The following CD200R1L variants were observed in gnomAD, a reference collection of about 807,000 sequenced individuals.
The protein encoded by CD200R1L is cell surface glycoprotein CD200 receptor 2.
In CD200R1L, 14 loss-of-function variants were observed where a neutral mutation model predicts 24.8. That is an observed-to-expected ratio of 0.56 (90% CI 0.37 to 0.88). The LOEUF (loss-of-function observed/expected upper bound fraction) is 0.88. Ranked by LOEUF, CD200R1L falls within the 40% of genes least tolerant of loss-of-function variation. The probability of loss-of-function intolerance (pLI) is 0.00; values close to 1 mark genes in which losing one functional copy is unlikely to be tolerated. For synonymous variants in CD200R1L, 111 were observed against 109.2 expected, an observed-to-expected ratio of 1.02 and a Z score of -0.11; for missense variants, 299 against 297.8, an observed-to-expected ratio of 1.00 and a Z score of -0.03.
intron 6 of CD200R1L, among the ~76,000 whole-genome samples, chr3:112,822,995 A>T (rs1040210734): frequency 6.6e-6 from 1 of 152,234 alleles, no homozygotes; most frequent in Non-Finnish European, 1.5e-5. Flanking sequence ...GCCTAACATG[A>T]AATGTTAACT....
Position 112,827,625 on chromosome 3 carries a change from C to G in CD200R1L, c.109G>C (p.Ala37Pro). 6.2e-7 allele frequency: 1 copy of G among 1,613,808 alleles called. No homozygotes were observed. Residue 37 changes from alanine (A) to proline (P), a missense_variant, in exon 5 of 8, where the codon GCA (alanine) becomes CCA (proline). Coordinates refer to ENST00000488794, the MANE Select transcript of CD200R1L (RefSeq NM_001199215.3). ...INAVLCCPPIALRNLIIITWE... is the reference protein window; with the variant it reads ...INAVLCCPPIPLRNLIIITWE... ...GTTATTATGATCAAATTTCTTAATGCGATAGGAGGGCAACAAAGCACAGCA... is the reference window on the plus strand; with the variant it reads ...GTTATTATGATCAAATTTCTTAATGGGATAGGAGGGCAACAAAGCACAGCA...
At position 112,827,163 on chromosome 3, in the gene CD200R1L, T is replaced by G. The variant is rs1305846333; in HGVS notation, c.446A>C (p.Gln149Pro). 6.2e-7 allele frequency: 1 copy of G among 1,613,680 alleles called. No individual in the cohort carries two copies. Residue 149 changes from glutamine to proline, a missense_variant, in exon 6 of 8, where the codon CAG (glutamine) becomes CCG (proline). Gln to Pro is a moderately conservative substitution (Grantham distance 76). Transcript: ENST00000488794. ...AGATCCCTCTGGGATCCAGGAGATC[T>G]GGGCAGCTGGCTTCCCTGTAACTGC... ...CKAVTGKPAA[Q>P]ISWIPEGSIL...
rs113043498 is a variant in CD200R1L at position 112,821,012 on chromosome 3, G to T, written c.617-1117C>A. On this transcript the variant is annotated intron_variant, in intron 6 of 7. Transcript: ENST00000488794. ...GCAGAGGTTGCAGTGAGCTGAGATT[G>T]CACCACTGCACTCCAGCCTGGGTGA... Among the ~76,000 whole-genome samples the T allele has an allele frequency of 5.7e-4, 86 of 150,112 alleles. 1 individual carries two copies. Among genetic ancestry groups the T allele is most frequent in the African/African-American group, 2.0e-3 (82 of 40,918 alleles).
chr3:112,821,322 G>A (rs1938530105), intron 6 of CD200R1L, among the ~76,000 whole-genome samples: 1 of 152,160 alleles, frequency 6.6e-6, no homozygotes, highest in Non-Finnish European at 1.5e-5. Context: ...CAACTTATAT[G>A]AAAGAAAAAT....
At chr3:112,820,602 T>C (rs903333192) in intron 6 of CD200R1L, among the ~76,000 whole-genome samples, 8 of 151,836 alleles carry the variant, frequency 5.3e-5, no homozygotes, top group African/African-American at 1.9e-4. Flanking sequence ...GGCTAATTTT[T>C]GTATTTTTAG....
At chr3:112,842,119 G>T (rs1201607300) in intron 2 of CD200R1L, among the ~76,000 whole-genome samples, 1 of 152,174 alleles carries the variant, frequency 6.6e-6, no homozygotes, top group African/African-American at 2.4e-5. Context: ...AGCTGGTTGG[G>T]CCTGCTCCTG....
chr3:112,829,491 T>C, intron 3 of CD200R1L, 107 bp from the exon 4 acceptor site: 1 of 1,280,552 alleles, frequency 7.8e-7, no homozygotes, highest in Non-Finnish European at 1.1e-6. Flanking sequence ...TAGTTAACCA[T>C]AACTAAAATT....
At chr3:112,844,798 C>G (rs908616158) in intron 2 of CD200R1L, among the ~76,000 whole-genome samples, 2 of 151,986 alleles carry the variant, frequency 1.3e-5, no homozygotes, top group African/African-American at 4.8e-5. Context: ...GTGGCGGGTG[C>G]CTGTAATCCC....
intron 4 of CD200R1L, among the ~76,000 whole-genome samples, chr3:112,828,719 A>G (rs1344452360): frequency 2.0e-5 from 3 of 152,068 alleles, no homozygotes; most frequent in Admixed American, 2.0e-4. Flanking sequence ...CCTGCATCCT[A>G]CAAGCATCTG....
At chr3:112,837,484 T>G (rs1023259029) in intron 3 of CD200R1L, among the ~76,000 whole-genome samples, 1 of 152,216 alleles carries the variant, frequency 6.6e-6, no homozygotes, top group Non-Finnish European at 1.5e-5. Flanking sequence ...TTCTATTGGC[T>G]GAACATTTTA....
rs369477542 is a variant in CD200R1L at position 112,827,508 on chromosome 3, T to C, written c.226A>G (p.Arg76Gly). 2.5e-6 allele frequency: 4 copies of C among 1,614,130 alleles called. No homozygotes were observed. The highest frequency in any genetic ancestry group is 2.5e-6 in the Non-Finnish European group (3 of 1,180,052). ...ETKETNCTVE[R>G]ITWVSRPDQN... ...TCAGGTCTAGAGACCCAGGTTATTC[T>C]CTCAACAGTACAGTTGGTTTCCTTG... The change falls in exon 5 of 8, where the codon AGA (arginine) becomes GGA (glycine). Residue 76 changes from arginine to glycine, a missense_variant. Arg to Gly is a moderately radical substitution (Grantham distance 125). Transcript: ENST00000488794.
chr3:112,841,365 TA>T (rs575876748), intron 2 of CD200R1L: 268 of 401,128 alleles, frequency 6.7e-4, no homozygotes, highest in Non-Finnish European at 1.1e-3. Context: ...GTGAGCCAAT[TA>T]AACCTCTTTT....
At chr3:112,833,478 G>A (rs944749125) in intron 3 of CD200R1L, among the ~76,000 whole-genome samples, 7 of 152,136 alleles carry the variant, frequency 4.6e-5, no homozygotes, top group African/African-American at 1.7e-4. Flanking sequence ...CGGGACCCTG[G>A]TGAAGACTGA....
chr3:112,828,949 A>C (rs1484031630), intron 4 of CD200R1L, among the ~76,000 whole-genome samples: 2 of 152,162 alleles, frequency 1.3e-5, no homozygotes, highest in Non-Finnish European at 2.9e-5. Context: ...TGCAATTAAT[A>C]TCTCTCCTCT....
intron 7 of CD200R1L, 65 bp downstream of exon 7, chr3:112,819,706 CA>C (rs1163152006): frequency 6.8e-7 from 1 of 1,467,432 alleles, no homozygotes; most frequent in Non-Finnish European, 9.0e-7. Context: ...ATTGTAAACT[CA>C]AAATGTTACA....
intron 7 of CD200R1L, among the ~76,000 whole-genome samples, chr3:112,818,203 T>TA (rs1938442914): frequency 6.6e-6 from 1 of 152,192 alleles, no homozygotes; most frequent in South Asian, 2.1e-4. Flanking sequence ...AATCACTTTT[T>TA]ACTATAGGAT....
chr3:112,823,845 C>T (rs568232214), intron 6 of CD200R1L, among the ~76,000 whole-genome samples: 1 of 152,274 alleles, frequency 6.6e-6, no homozygotes, highest in African/African-American at 2.4e-5. Context: ...CAGAGGAATA[C>T]AAGCACTTAA....
Position 112,820,673 on chromosome 3 carries a change from C to T in CD200R1L, c.617-778G>A, listed in dbSNP as rs1008397073. Among the ~76,000 whole-genome samples the T allele has an allele frequency of 1.7e-4, 25 of 151,428 alleles. No individual in the cohort carries two copies. The East Asian group carries it at 2.2e-3, about 13-fold the overall frequency. The stretch of plus-strand genomic sequence containing the variant: ...CTCAAACTCCTGACCTCAGGTGATC[C>T]GCCCGCCTCAGCCTCCCAAAGTGCT... On this transcript the variant is annotated intron_variant, in intron 6 of 7. Coordinates refer to ENST00000488794, the MANE Select transcript of CD200R1L (RefSeq NM_001199215.3).
chr3:112,844,537 A>G (rs1035434889), intron 2 of CD200R1L, among the ~76,000 whole-genome samples: 2 of 152,380 alleles, frequency 1.3e-5, no homozygotes, highest in East Asian at 3.9e-4. Flanking sequence ...CCTGAGATCC[A>G]GCAAAAACAG....
Sources: allele counts gnomAD v4.1 joint callset (sites outside exome capture counted in the v4.1 genomes callset), GRCh38; gene constraint gnomAD v4.1.1; transcripts MANE v1.5; gene names NCBI Gene and HGNC (gene_info 2026-07-23, HGNC 2026-07-21).